MAGI2: variants seen among roughly 807,000 people sequenced by gnomAD.
MAGI2 encodes membrane associated guanylate kinase, WW and PDZ domain containing 2, also known as membrane-associated guanylate kinase, WW and PDZ domain-containing protein 2.
Under a neutral mutation model 133.3 loss-of-function variants are expected in MAGI2, and 35 were observed. The ratio of observed to expected loss-of-function variants is 0.26; its 90% confidence interval spans 0.20 to 0.35. The LOEUF is 0.35. Ranked by LOEUF, MAGI2 falls within the 10% of genes least tolerant of loss-of-function variation. MAGI2 has a pLI of 1.00. For synonymous variants in MAGI2, 729 were observed against 710.6 expected (o/e 1.03, Z -0.41); for missense variants, 1,636 against 1,863.4 (o/e 0.88, Z 2.25).
chr7:78,865,621 T>C (rs989509438), intron 2 of MAGI2, among the ~76,000 whole-genome samples: 1 of 152,186 alleles, frequency 6.6e-6, no homozygotes, highest in Non-Finnish European at 1.5e-5. Flanking sequence ...AGGGATGTAA[T>C]TGACTGGGAT....
At chr7:79,200,634 T>A (rs1041799611) in intron 1 of MAGI2, among the ~76,000 whole-genome samples, 2 of 151,310 alleles carry the variant, frequency 1.3e-5, no homozygotes, top group Non-Finnish European at 2.9e-5. Flanking sequence ...AGTTTATATC[T>A]ATTGATATAT....
intron 15 of MAGI2, among the ~76,000 whole-genome samples, chr7:78,165,491 C>T (rs557108472): frequency 1.9e-4 from 29 of 152,226 alleles, no homozygotes; most frequent in African/African-American, 5.5e-4. Context: ...AAGCCAGTGC[C>T]CTCTGTCTTC....
chr7:79,258,809 C>T (rs1833879706), intron 1 of MAGI2, among the ~76,000 whole-genome samples: 1 of 152,216 alleles, frequency 6.6e-6, no homozygotes, highest in Admixed American at 6.6e-5. Context: ...AAAGGAATTA[C>T]TCTTTAACCT....
chr7:78,928,346 G>C (rs1799865953), intron 2 of MAGI2, among the ~76,000 whole-genome samples: 1 of 151,712 alleles, frequency 6.6e-6, no homozygotes, highest in Non-Finnish European at 1.5e-5. Flanking sequence ...TATTAATTAT[G>C]GGATTGTTTG....
intron 2 of MAGI2, among the ~76,000 whole-genome samples, chr7:79,002,910 G>GTTTT (rs772869062): frequency 4.6e-5 from 6 of 129,292 alleles, no homozygotes; most frequent in Admixed American, 3.9e-4. Flanking sequence ...TTGTTTGCTT[G>GTTTT]TTTTTTTTTT....
chr7:78,594,605 G>A (rs1362574000), intron 3 of MAGI2, among the ~76,000 whole-genome samples: 1 of 152,062 alleles, frequency 6.6e-6, no homozygotes, highest in Non-Finnish European at 1.5e-5. Flanking sequence ...TTACAGGCAA[G>A]CACCACCATG....
At chr7:78,716,522 T>C (rs547299390) in intron 2 of MAGI2, among the ~76,000 whole-genome samples, 7 of 152,132 alleles carry the variant, frequency 4.6e-5, no homozygotes, top group South Asian at 4.2e-4. Flanking sequence ...AAAGGCAGAG[T>C]GGCCTTTAGA....
intron 9 of MAGI2, among the ~76,000 whole-genome samples, chr7:78,287,709 T>C (rs1796285826): frequency 1.3e-5 from 2 of 152,182 alleles, no homozygotes; most frequent in South Asian, 4.1e-4. Flanking sequence ...AGCTGTATAA[T>C]TTCTTCCTGT....
intron 1 of MAGI2, among the ~76,000 whole-genome samples, chr7:79,016,866 C>G (rs1808784898): frequency 6.6e-6 from 1 of 152,228 alleles, no homozygotes; most frequent in Admixed American, 6.5e-5. Context: ...CCAGCAGCAG[C>G]TGCCATCTAC....
intron 2 of MAGI2, among the ~76,000 whole-genome samples, chr7:78,663,202 CTTTTTTTTTT>C (rs35544274): frequency 2.7e-5 from 3 of 109,228 alleles, no homozygotes; most frequent in South Asian, 3.2e-4. Context: ...TGTACCAACT[CTTTTTTTTTT>C]TTTTTTTTTT....
intron 9 of MAGI2, among the ~76,000 whole-genome samples, chr7:78,289,903 A>G (rs1796526554): frequency 6.6e-6 from 1 of 152,192 alleles, no homozygotes; most frequent in Admixed American, 6.5e-5. Flanking sequence ...GCAAATGCTG[A>G]GAGATTTTGT....
chr7:78,663,222 T>C (rs956102579), intron 2 of MAGI2, among the ~76,000 whole-genome samples: 19 of 149,318 alleles, frequency 1.3e-4, no homozygotes, highest in South Asian at 4.2e-4. Flanking sequence ...TTTTTTTTTT[T>C]TCCAGACACA....
intron 2 of MAGI2, among the ~76,000 whole-genome samples, chr7:78,832,903 GA>G (rs1486059645): frequency 6.6e-6 from 1 of 152,150 alleles, no homozygotes; most frequent in African/African-American, 2.4e-5. Flanking sequence ...ATAGCTCTGG[GA>G]ATGGAATGTG....
At chr7:78,804,758 A>AAAAC (rs1788399223) in intron 2 of MAGI2, among the ~76,000 whole-genome samples, 1 of 45,152 alleles carries the variant, frequency 2.2e-5, no homozygotes, top group Admixed American at 2.3e-4. Context: ...CAAAAAAAAA[A>AAAAC]AAAAAAAAAA....
chr7:79,212,701 T>C (rs750326330), intron 1 of MAGI2, among the ~76,000 whole-genome samples: 2 of 152,100 alleles, frequency 1.3e-5, no homozygotes, highest in African/African-American at 2.4e-5. Flanking sequence ...TCTTTTATTC[T>C]AATAAATCTC....
chr7:78,682,326 G>A (rs751880397), intron 2 of MAGI2, among the ~76,000 whole-genome samples: 4 of 151,824 alleles, frequency 2.6e-5, no homozygotes, highest in East Asian at 1.9e-4. Flanking sequence ...TGCACCAATC[G>A]ACCCGTCATC....
chr7:78,634,822 A>T (rs1809454537), intron 2 of MAGI2, among the ~76,000 whole-genome samples: 1 of 152,192 alleles, frequency 6.6e-6, no homozygotes, highest in African/African-American at 2.4e-5. Context: ...GCTGAAGCTC[A>T]CCTTCTTTTA....
chr7:79,185,554 A>G (rs1307677537), intron 1 of MAGI2, among the ~76,000 whole-genome samples: 2 of 133,984 alleles, frequency 1.5e-5, no homozygotes, highest in Non-Finnish European at 3.1e-5. Context: ...TGGCATGTCT[A>G]TTACATAGCA....
chr7:78,499,870 G>A (rs1250460406), intron 5 of MAGI2, among the ~76,000 whole-genome samples: 2 of 152,010 alleles, frequency 1.3e-5, no homozygotes, highest in African/African-American at 2.4e-5. Context: ...CTTCTGGTCC[G>A]CAATGATGTC....
Sources: gnomAD v4.1 joint callset for allele counts (sites outside exome capture counted in the v4.1 genomes callset) on GRCh38, gnomAD v4.1.1 for gene constraint, MANE v1.5 for transcripts, NCBI Gene and HGNC (gene_info 2026-07-23, HGNC 2026-07-21) for gene names.